The following ZNF44 variants were observed in gnomAD, a reference collection of about 807,000 sequenced individuals.
ZNF44 encodes the protein zinc finger protein 44, also known as gonadotropin inducible transcription repressor-2.
Under a neutral mutation model 11.7 loss-of-function variants are expected in ZNF44, and 9 were observed. The ratio of observed to expected loss-of-function variants is 0.77; its 90% CI spans 0.46 to 1.35. The LOEUF is 1.35. Ranked by LOEUF, ZNF44 falls within the 40% of genes most tolerant of loss-of-function variation. The pLI, the probability that ZNF44 is intolerant of heterozygous loss-of-function variation, is 0.00. For synonymous variants in ZNF44, 224 were observed against 242.7 expected (o/e 0.92, Z 0.72); for missense variants, 696 against 743.1 (o/e 0.94, Z 0.74).
intron 5 of ZNF44, among the ~76,000 whole-genome samples, chr19:12,254,978 A>T (rs560757481): frequency 3.9e-5 from 6 of 152,100 alleles, no homozygotes; most frequent in Non-Finnish European, 8.8e-5. Flanking sequence ...AATCCCAGCT[A>T]CTTGGGAGGC....
rs370301918 is a variant in ZNF44 at position 12,272,964 on chromosome 19, G to A, written c.1291C>T (p.Arg431Cys). The A allele has an allele frequency of 8.7e-5, 140 of 1,608,942 alleles. No homozygotes were observed. Among genetic ancestry groups the A allele is most frequent in the Non-Finnish European group, 1.1e-4 (132 of 1,178,092 alleles). The change falls in exon 4 of 4, where the codon CGT becomes TGT. Residue 431 changes from arginine (R) to cysteine (C), a missense_variant. Arg to Cys is a radical substitution (Grantham distance 180). Coordinates refer to ENST00000355684, the MANE Select transcript of ZNF44 (RefSeq NM_016264.4). ...YECKQCGKAF[R>C]TSSSLRKHET... ...TGTTTTCGAAGGGAACTGGAAGTAC[G>A]GAAGGCTTTCCCACATTGCTTGCAT...
chr19:12,239,791 CT>C (rs1916548547), upstream of ZNF44, among the ~76,000 whole-genome samples: 1 of 151,018 alleles, frequency 6.6e-6, no homozygotes, highest in Non-Finnish European at 1.5e-5. Context: ...CCAAGCTGGT[CT>C]TGGAACTCCT....
downstream of ZNF44, among the ~76,000 whole-genome samples, chr19:12,246,831 G>A (rs1916778457): frequency 6.7e-6 from 1 of 150,046 alleles, no homozygotes; most frequent in South Asian, 2.1e-4. Context: ...TCCGCGGCCA[G>A]CCTGGGCAAC....
intron 5 of ZNF44, among the ~76,000 whole-genome samples, chr19:12,251,921 C>A (rs554439267): frequency 1.3e-4 from 19 of 151,968 alleles, no homozygotes; most frequent in Non-Finnish European, 4.4e-5. Context: ...TGTGGTAGCA[C>A]ATGCCTGTAA....
At chr19:12,235,428 T>A (rs1385091971) in intron 1 of ZNF44, among the ~76,000 whole-genome samples, 1 of 152,060 alleles carries the variant, frequency 6.6e-6, no homozygotes, top group East Asian at 1.9e-4. Context: ...AATCTTTCTA[T>A]AAAATACAAG....
intron 5 of ZNF44, among the ~76,000 whole-genome samples, chr19:12,265,357 C>T (rs1917687903): frequency 3.3e-5 from 5 of 151,924 alleles, no homozygotes; most frequent in Admixed American, 3.3e-4. Flanking sequence ...TGCATTCAAG[C>T]CTCAGCGAGA....
downstream of ZNF44, among the ~76,000 whole-genome samples, chr19:12,267,667 C>G (rs986554760): frequency 6.6e-6 from 1 of 151,978 alleles, no homozygotes; most frequent in Non-Finnish European, 1.5e-5. Flanking sequence ...CTGTTCCCAC[C>G]TCATGTGGGA....
upstream of ZNF44, among the ~76,000 whole-genome samples, chr19:12,239,363 C>T (rs1419967148): frequency 6.6e-6 from 1 of 151,490 alleles, no homozygotes; most frequent in African/African-American, 2.4e-5. Flanking sequence ...GTCTGCCTGC[C>T]TTGGCCTCCC....
At chr19:12,259,259 G>A (rs1390878454) in intron 5 of ZNF44, among the ~76,000 whole-genome samples, 1 of 152,118 alleles carries the variant, frequency 6.6e-6, no homozygotes, top group Non-Finnish European at 1.5e-5. Context: ...CTAAGGAGAG[G>A]CACAGGGATT....
chr19:12,267,100 C>T (rs990044631), downstream of ZNF44, among the ~76,000 whole-genome samples: 2 of 148,206 alleles, frequency 1.3e-5, no homozygotes, highest in African/African-American at 5.0e-5. Flanking sequence ...AGTGCAGTGG[C>T]GTGGCATGAT....
At chr19:12,260,465 C>T in intron 5 of ZNF44, 1 of 1,351,972 alleles carries the variant, frequency 7.4e-7, no homozygotes, top group African/African-American at 1.4e-5. Context: ...TCCGCAGGGT[C>T]AGCGCCATCC....
intron 1 of ZNF44, chr19:12,284,925 C>T (rs949310360): frequency 2.8e-6 from 2 of 718,748 alleles, no homozygotes; most frequent in Non-Finnish European, 5.0e-6. Flanking sequence ...CGTCTCAGCG[C>T]CTGTGCCCAA....
chr19:12,240,444 C>CAAAAAAAAAAAAAAAAAAACA (rs1916575717), upstream of ZNF44, among the ~76,000 whole-genome samples: 1 of 102,370 alleles, frequency 9.8e-6, no homozygotes, highest in Non-Finnish European at 2.0e-5. Flanking sequence ...GATTCTATCT[C>CAAAAAAAAAAAAAAAAAAACA]AAAAAAAAAA....
At chr19:12,224,688 G>A (rs930393476), downstream of ZNF44, 1 of 150,450 alleles carries the variant, frequency 6.6e-6, no homozygotes, top group African/African-American at 2.4e-5. Context: ...AACACTGCTT[G>A]ACAGTCAAAG....
chr19:12,263,069 C>T (rs969905018), intron 5 of ZNF44, among the ~76,000 whole-genome samples: 6 of 151,896 alleles, frequency 4.0e-5, no homozygotes, highest in Non-Finnish European at 4.4e-5. Flanking sequence ...CAAATGAACT[C>T]TCAAATTCAT....
At chr19:12,255,321 TA>T (rs200680364) in intron 5 of ZNF44, among the ~76,000 whole-genome samples, 8 of 144,162 alleles carry the variant, frequency 5.5e-5, no homozygotes, top group East Asian at 2.0e-4. Flanking sequence ...CTGCAAGAAA[TA>T]AAAAAAAAAT....
downstream of ZNF44, chr19:12,247,291 C>T (rs980409618): frequency 1.2e-5 from 15 of 1,231,956 alleles, no homozygotes; most frequent in Admixed American, 1.6e-4. Context: ...TCAGCGTGCA[C>T]TTTCTTCACA....
intron 5 of ZNF44, among the ~76,000 whole-genome samples, chr19:12,254,722 G>A (rs186104609): frequency 1.1e-3 from 171 of 151,564 alleles, no homozygotes; most frequent in South Asian, 2.1e-3. Context: ...GCGACAGAGC[G>A]AGACTCCATC....
chr19:12,270,381 ACT>A (rs1966910700), downstream of ZNF44, among the ~76,000 whole-genome samples: 1 of 151,844 alleles, frequency 6.6e-6, no homozygotes, highest in African/African-American at 2.4e-5. Context: ...GCCTTCTAAC[ACT>A]GTTATCGCTG....
Sources: allele counts gnomAD v4.1 joint callset (sites outside exome capture counted in the v4.1 genomes callset), GRCh38; gene constraint gnomAD v4.1.1; transcripts MANE v1.5; gene names NCBI Gene and HGNC (gene_info 2026-07-23, HGNC 2026-07-21).